ADD3: variants seen among roughly 807,000 people sequenced by gnomAD.
The protein encoded by ADD3 is adducin 3.
ADD3 carries 25 observed loss-of-function variants against 80.2 expected under a neutral mutation model. The observed-to-expected ratio is 0.31, with a 90% CI of 0.23 to 0.44. ADD3 has a LOEUF of 0.44. ADD3 is among the 20% of genes least tolerant of loss of function. The probability of loss-of-function intolerance (pLI) is 1.00; values close to 1 mark genes in which losing one functional copy is unlikely to be tolerated. For synonymous variants in ADD3, 284 were observed against 289.6 expected (o/e 0.98, Z 0.20); for missense variants, 829 against 847.5 (o/e 0.98, Z 0.27).
intron 1 of ADD3, among the ~76,000 whole-genome samples, chr10:110,058,415 T>A (rs1182040886): frequency 1.3e-5 from 2 of 152,218 alleles, no homozygotes; most frequent in African/African-American, 4.8e-5. Flanking sequence ...TTCTACATGT[T>A]CTTTATTGCT....
intron 1 of ADD3, among the ~76,000 whole-genome samples, chr10:110,026,564 G>A (rs1435422554): frequency 6.6e-6 from 1 of 152,156 alleles, no homozygotes; most frequent in African/African-American, 2.4e-5. Context: ...ACAGACGTGA[G>A]CCACCACACC....
chr10:110,053,308 G>A (rs537128128), intron 1 of ADD3, among the ~76,000 whole-genome samples: 1 of 151,946 alleles, frequency 6.6e-6, no homozygotes, highest in African/African-American at 2.4e-5. Flanking sequence ...TTTTGTTGTT[G>A]TGGCAAATGA....
intron 8 of ADD3, among the ~76,000 whole-genome samples, chr10:110,120,562 G>T (rs1321030687): frequency 6.6e-6 from 1 of 152,110 alleles, no homozygotes; most frequent in Non-Finnish European, 1.5e-5. Context: ...ATAGCAGCAT[G>T]ATTTATAGTC....
intron 1 of ADD3, among the ~76,000 whole-genome samples, chr10:110,054,906 G>T (rs113460035): frequency 6.6e-6 from 1 of 151,006 alleles, no homozygotes; most frequent in Non-Finnish European, 1.5e-5. Flanking sequence ...GAGCCACCGC[G>T]CCTGGCCTCC....
intron 1 of ADD3, among the ~76,000 whole-genome samples, chr10:110,060,607 A>G (rs945871032): frequency 2.0e-5 from 3 of 152,204 alleles, no homozygotes; most frequent in Non-Finnish European, 4.4e-5. Flanking sequence ...CATTTCTTTC[A>G]TCTCACTATC....
At chr10:110,132,718 G>A (rs1746661864) in intron 14 of ADD3, 1 of 246,486 alleles carries the variant, frequency 4.1e-6, no homozygotes, top group South Asian at 4.7e-5. Context: ...ACGAGGTCAG[G>A]AGATCAAGAC....
At chr10:110,130,839 G>C (rs1852874078) in intron 13 of ADD3, among the ~76,000 whole-genome samples, 1 of 149,150 alleles carries the variant, frequency 6.7e-6, no homozygotes, top group Non-Finnish European at 1.5e-5. Flanking sequence ...CTGGGCGACA[G>C]AGAGAGACTC....
At chr10:110,081,329 G>A (rs1040233396) in intron 1 of ADD3, among the ~76,000 whole-genome samples, 8 of 152,130 alleles carry the variant, frequency 5.3e-5, no homozygotes, top group African/African-American at 1.9e-4. Flanking sequence ...TAAATGCTAG[G>A]AGTACCTAGG....
chr10:110,076,067 CAA>C (rs1164841164), intron 1 of ADD3, among the ~76,000 whole-genome samples: 1 of 152,162 alleles, frequency 6.6e-6, no homozygotes, highest in Non-Finnish European at 1.5e-5. Flanking sequence ...GGTGTTCTCT[CAA>C]ATCCTTTTCC....
chr10:110,122,470 G>GT (rs376807848), intron 9 of ADD3, among the ~76,000 whole-genome samples, 178 bp downstream of exon 9: 105 of 148,498 alleles, frequency 7.1e-4, no homozygotes, highest in Admixed American at 1.7e-3. Flanking sequence ...CAAATGTCGT[G>GT]TTTTTTTTTT....
rs374921689 is a variant in ADD3 at position 110,117,421 on chromosome 10, T to C, written c.566T>C (p.Leu189Ser). 1.3e-6 allele frequency: 2 copies of C among 1,583,540 alleles called. No individual in the cohort carries two copies. The highest frequency in any genetic ancestry group is 1.3e-5 in the African/African-American group (1 of 74,210). Residue 189 changes from leucine (L) to serine (S), a missense_variant and splice_region_variant, in exon 5 of 15, where the codon TTG becomes TCG. Leu to Ser is a moderately radical substitution (Grantham distance 145). Coordinates refer to ENST00000356080, the MANE Select transcript of ADD3 (RefSeq NM_016824.5). ...LSFSEATASNLVKVNIIGEVV... is the reference protein window; with the variant it reads ...LSFSEATASNSVKVNIIGEVV... ...TTTTCTGAAGCTACAGCCTCCAATT[T>C]GGTATAATTTTCCATTCCTGTGTTG...
chr10:110,054,996 C>T (rs533461221), intron 1 of ADD3, among the ~76,000 whole-genome samples: 14 of 152,216 alleles, frequency 9.2e-5, no homozygotes, highest in African/African-American at 3.1e-4. Context: ...CTCCTGACCT[C>T]GTGATCCGCC....
intron 1 of ADD3, among the ~76,000 whole-genome samples, chr10:110,077,527 G>T (rs544951252): frequency 6.6e-6 from 1 of 152,236 alleles, no homozygotes; most frequent in East Asian, 1.9e-4. Context: ...GTGTGTAAGA[G>T]TGGGTTCATT....
At chr10:110,045,510 A>G (rs182890376) in intron 1 of ADD3, among the ~76,000 whole-genome samples, 2 of 152,362 alleles carry the variant, frequency 1.3e-5, no homozygotes, top group African/African-American at 4.8e-5. Context: ...GGGTTTGAAT[A>G]GCACAAGTCC....
intron 2 of ADD3, among the ~76,000 whole-genome samples, chr10:110,111,271 GTAAC>G (rs1256172165): frequency 6.6e-6 from 1 of 152,202 alleles, no homozygotes; most frequent in Non-Finnish European, 1.5e-5. Context: ...TGCTACATAA[GTAAC>G]TAATCTCAAA....
chr10:110,100,593 A>G, intron 1 of ADD3, 32 bp from the exon 2 acceptor site: 1 of 1,360,652 alleles, frequency 7.3e-7, no homozygotes. Flanking sequence ...TGAATTTATC[A>G]TGGATGTCCT....
At chr10:110,083,738 C>A (rs1163460169) in intron 1 of ADD3, among the ~76,000 whole-genome samples, 1 of 152,000 alleles carries the variant, frequency 6.6e-6, no homozygotes, top group Non-Finnish European at 1.5e-5. Context: ...TTCCTTGGGG[C>A]AGGGACTGAG....
intron 1 of ADD3, among the ~76,000 whole-genome samples, chr10:110,062,928 A>G (rs1859106439): frequency 6.6e-6 from 1 of 152,192 alleles, no homozygotes; most frequent in South Asian, 2.1e-4. Flanking sequence ...TAACCCTGAA[A>G]TGTGTTAGTC....
intron 1 of ADD3, among the ~76,000 whole-genome samples, chr10:110,076,849 A>G (rs1845429518): frequency 6.6e-6 from 1 of 152,226 alleles, no homozygotes; most frequent in Non-Finnish European, 1.5e-5. Flanking sequence ...ATCTACAAAC[A>G]TGAACTCTCC....
Sources: allele counts gnomAD v4.1 joint callset (sites outside exome capture counted in the v4.1 genomes callset), GRCh38; gene constraint gnomAD v4.1.1; transcripts MANE v1.5; gene names NCBI Gene and HGNC (gene_info 2026-07-23, HGNC 2026-07-21).